Variants in BTG4 observed in about 807,000 individuals in gnomAD.
BTG4 encodes the protein protein BTG4.
Under a neutral mutation model 19.3 loss-of-function variants are expected in BTG4, and 10 were observed. The ratio of observed to expected loss-of-function variants is 0.52; its 90% CI spans 0.32 to 0.88. BTG4 has a LOEUF of 0.88. BTG4 is among the 40% of genes least tolerant of loss of function. The pLI is 0.04. For missense variants in BTG4, 238 were observed against 281.9 expected (o/e 0.84, Z 1.11); for synonymous variants, 91 against 95.7 (o/e 0.95, Z 0.29).
intron 5 of BTG4, among the ~76,000 whole-genome samples, chr11:111,484,201 C>G (rs1159181705): frequency 6.6e-6 from 1 of 151,940 alleles, no homozygotes; most frequent in African/African-American, 2.4e-5. Context: ...ACCAGACCCA[C>G]CTTACAAGAA....
Position 111,476,500 on chromosome 11 carries a change from A to G in BTG4, c.663-8819T>C, listed in dbSNP as rs187646331. Among the ~76,000 whole-genome samples the G allele has an allele frequency of 2.3e-4, 35 of 152,274 alleles. No individual in the cohort carries two copies. In the East Asian group the frequency reaches 5.2e-3, roughly 23 times the overall value. ...ACAAGGATTTTTAAATCAAGCTATC[A>G]GGAACTTCTGCTCAGAATCAAGTCA... On this transcript the variant is annotated intron_variant, in intron 5 of 5. Coordinates refer to the BTG4 transcript ENST00000356018.
chr11:111,487,027 C>T (rs1183200313), intron 5 of BTG4, among the ~76,000 whole-genome samples: 11 of 152,120 alleles, frequency 7.2e-5, no homozygotes, highest in African/African-American at 1.4e-4. Context: ...CCTGTGTCCA[C>T]GTGTTCTCAT....
At chr11:111,446,624 A>AACACACAC in the BTG4 span, among the ~76,000 whole-genome samples, 1,188 of 146,934 alleles carry the variant, frequency 8.1e-3, 7 homozygotes, top group Middle Eastern at 0.014. Flanking sequence ...GACACCAATA[A>AACACACAC]ACACACACAC....
downstream of BTG4, among the ~76,000 whole-genome samples, chr11:111,493,998 C>A (rs375458781): frequency 6.6e-6 from 1 of 152,222 alleles, no homozygotes; most frequent in African/African-American, 2.4e-5. Context: ...AGTCTACTCA[C>A]AAGAGAACCA....
At chr11:111,448,106 C>G in the BTG4 span, among the ~76,000 whole-genome samples, 1 of 152,232 alleles carries the variant, frequency 6.6e-6, no homozygotes, top group African/African-American at 2.4e-5. Flanking sequence ...CATGGGCTTC[C>G]ATAGCTGTCT....
intron 5 of BTG4, among the ~76,000 whole-genome samples, chr11:111,482,837 G>GAA (rs34239854): frequency 4.1e-4 from 59 of 143,680 alleles, no homozygotes; most frequent in Non-Finnish European, 4.6e-4. Flanking sequence ...TAAAACTTTA[G>GAA]AAAAAAAAAA....
At position 111,495,153 on chromosome 11, in the gene BTG4, C is replaced by G; in HGVS notation, c.672G>C (p.Trp224Cys). ...CGCTGCGTCATCGGTGTGTGTTGAC[C>G]CAGTGGTACCTGTCCAGCCGGTGCA... is the stretch of plus-strand genomic sequence containing the variant. The part of the protein sequence containing the change: ...PAMHRLDRYH[W>C]VNTHR The change falls in exon 5 of 5, where the codon TGG becomes TGC. Residue 224 changes from tryptophan (W) to cysteine (C), a missense_variant. Coordinates refer to ENST00000692032, the MANE Select transcript of BTG4 (RefSeq NM_001367975.1). 7 of 1,577,000 alleles carry G rather than the reference C, an allele frequency of 4.4e-6. No individual in the cohort carries two copies. The highest frequency in any genetic ancestry group is 6.0e-6 in the Non-Finnish European group (7 of 1,163,424).
the BTG4 span, among the ~76,000 whole-genome samples, chr11:111,425,481 T>C: frequency 2.0e-5 from 3 of 152,190 alleles, no homozygotes; most frequent in Non-Finnish European, 4.4e-5. Context: ...GGAGAGTTAA[T>C]GACAGTTTTT....
the BTG4 span, among the ~76,000 whole-genome samples, chr11:111,420,156 C>G: frequency 6.6e-6 from 1 of 152,214 alleles, no homozygotes; most frequent in East Asian, 1.9e-4. Context: ...TTCTCAGCTG[C>G]CCCTGAATCC....
the BTG4 span, among the ~76,000 whole-genome samples, chr11:111,397,332 G>A: frequency 6.6e-6 from 1 of 152,070 alleles, no homozygotes; most frequent in Non-Finnish European, 1.5e-5. Context: ...AGGCCCTCTG[G>A]GAGCTGGGAT....
chr11:111,432,092 T>C, the BTG4 span, among the ~76,000 whole-genome samples: 1 of 152,214 alleles, frequency 6.6e-6, no homozygotes, highest in Admixed American at 6.5e-5. Context: ...CCTTTGACAT[T>C]TGATTCATTC....
chr11:111,409,617 A>G, the BTG4 span, among the ~76,000 whole-genome samples: 1 of 152,160 alleles, frequency 6.6e-6, no homozygotes, highest in South Asian at 2.1e-4. Flanking sequence ...CAGAACCATG[A>G]GCCAAAGAAA....
the BTG4 span, among the ~76,000 whole-genome samples, chr11:111,436,710 C>T: frequency 1.3e-5 from 2 of 152,154 alleles, no homozygotes; most frequent in East Asian, 1.9e-4. Context: ...GCAGACCGTA[C>T]CTGACCTTGC....
chr11:111,509,315 A>C (rs1016556079), intron 1 of BTG4, among the ~76,000 whole-genome samples: 7 of 152,252 alleles, frequency 4.6e-5, no homozygotes, highest in Admixed American at 3.9e-4. Flanking sequence ...TATACTATCA[A>C]GAAGTTTAAT....
the BTG4 span, among the ~76,000 whole-genome samples, chr11:111,421,920 A>G: frequency 6.6e-6 from 1 of 152,114 alleles, no homozygotes; most frequent in Non-Finnish European, 1.5e-5. Flanking sequence ...CAGACAAAAA[A>G]AAAGGCAGAA....
intron 5 of BTG4, among the ~76,000 whole-genome samples, chr11:111,477,767 A>C (rs988740906): frequency 6.6e-6 from 1 of 152,140 alleles, no homozygotes; most frequent in Non-Finnish European, 1.5e-5. Flanking sequence ...GAGACCACAA[A>C]AGCCTGCTCT....
chr11:111,504,093 C>T (rs549929604), intron 1 of BTG4, among the ~76,000 whole-genome samples: 28 of 152,156 alleles, frequency 1.8e-4, no homozygotes, highest in East Asian at 1.2e-3. Context: ...AAGTTATATC[C>T]GTAGTCTCAC....
At chr11:111,458,355 T>C in the BTG4 span, 1 of 152,274 alleles carries the variant, frequency 6.6e-6, no homozygotes, top group East Asian at 1.9e-4. Context: ...TGCACATGCG[T>C]GACCAAGGGA....
the BTG4 span, chr11:111,401,053 T>TTAAAA: frequency 8.5e-5 from 7 of 82,158 alleles, no homozygotes; most frequent in African/African-American, 3.9e-4. Flanking sequence ...ACCTGGAGCA[T>TTAAAA]AAAAAAAAAA....
Sources: gnomAD v4.1 joint callset for allele counts (sites outside exome capture counted in the v4.1 genomes callset) on GRCh38, gnomAD v4.1.1 for gene constraint, MANE v1.5 for transcripts, NCBI Gene and HGNC (gene_info 2026-07-23, HGNC 2026-07-21) for gene names.